COPS7B: variants seen among roughly 807,000 people sequenced by gnomAD.
The protein encoded by COPS7B is COP9 signalosome subunit 7B, also known as COP9 signalosome complex subunit 7b.
Under a neutral mutation model 33.4 loss-of-function variants are expected in COPS7B, and 9 were observed. That is an observed-to-expected ratio of 0.27 (90% CI 0.16 to 0.47). The LOEUF is 0.47. Among genes scored for constraint, COPS7B ranks in the 20% least tolerant of loss-of-function variants. COPS7B has a pLI of 0.99. For missense variants in COPS7B, 242 were observed against 318.2 expected, an observed-to-expected ratio of 0.76 and a Z score of 1.82; for synonymous variants, 119 against 126.3, an observed-to-expected ratio of 0.94 and a Z score of 0.39.
At chr2:231,787,134 C>A (rs1017254252) in intron 1 of COPS7B, among the ~76,000 whole-genome samples, 1 of 152,124 alleles carries the variant, frequency 6.6e-6, no homozygotes, top group South Asian at 2.1e-4. Context: ...TACTCCTTTC[C>A]TTCTTCCTCG....
rs1212602154 is a variant in COPS7B at position 231,808,636 on chromosome 2, T to A, written c.*991T>A. The stretch of plus-strand genomic sequence containing the variant: ...CAAGAGAAAAAGACTTAACTAGACT[T>A]CTGAACTTGAACAGTTTCAGGTTAT... On this transcript the variant is annotated 3_prime_UTR_variant, in exon 7 of 7. Coordinates refer to ENST00000350033, the MANE Select transcript of COPS7B (RefSeq NM_022730.4). The A allele has an allele frequency of 1.7e-5, 7 of 412,300 alleles. No homozygotes were observed. The highest frequency in any genetic ancestry group is 2.9e-5 in the Non-Finnish European group (6 of 204,306). The allele number at this position is 412,300 out of a possible 1,614,324, so 25.5% of individuals were successfully genotyped here. A position where few individuals can be genotyped will look rare whatever the true frequency, so the allele number is the denominator to read the frequency against.
rs765464304 is a variant in COPS7B at position 231,808,580 on chromosome 2, C to T, written c.*935C>T. The stretch of plus-strand genomic sequence containing the variant: ...TTTTCACCCCTCCTTGGCTGATGAC[C>T]CAGAGCCCTCTGATGATGGCATTCT... On this transcript the variant is annotated 3_prime_UTR_variant, in exon 7 of 7. Transcript: ENST00000350033. 8 of 469,158 alleles carry T rather than the reference C, an allele frequency of 1.7e-5. No individual in the cohort carries two copies. The highest frequency in any genetic ancestry group is 3.1e-5 in the Non-Finnish European group (7 of 226,308). The allele number at this position is 469,158 out of a possible 1,614,324, so 29.1% of individuals were successfully genotyped here.
At position 231,808,101 on chromosome 2, in the gene COPS7B, T is replaced by C. The variant is rs2049948315; in HGVS notation, c.*456T>C. On this transcript the variant is annotated 3_prime_UTR_variant, in exon 7 of 7. Transcript: ENST00000350033. The stretch of plus-strand genomic sequence containing the variant: ...CCTGGTACCACAGTCCTCACGATGG[T>C]GCAGTGATTTCTAGCCAGGCGTCAA... 2 of 243,550 alleles carry C rather than the reference T, an allele frequency of 8.2e-6. No individual in the cohort carries two copies. The highest frequency in any genetic ancestry group is 4.5e-5 in the South Asian group (1 of 22,218). 15.1% of individuals were successfully genotyped at this position (243,550 alleles called of 1,614,324 possible).
intron 3 of COPS7B, chr2:231,793,882 C>T (rs1397411263): frequency 6.0e-6 from 1 of 167,566 alleles, no homozygotes; most frequent in Non-Finnish European, 1.3e-5. Flanking sequence ...CATGCAGCAG[C>T]CCTGGCAAAG....
intron 6 of COPS7B, among the ~76,000 whole-genome samples, chr2:231,804,646 TTTG>T (rs2049842616): frequency 6.6e-6 from 1 of 152,234 alleles, no homozygotes; most frequent in Admixed American, 6.5e-5. Context: ...TTTTTTTGGT[TTTG>T]TTTTTTTAAT....
intron 6 of COPS7B, among the ~76,000 whole-genome samples, chr2:231,803,890 T>C (rs997539364): frequency 6.6e-6 from 1 of 152,140 alleles, no homozygotes; most frequent in Non-Finnish European, 1.5e-5. Context: ...GTTGAACTGG[T>C]CAGTTGCTGA....
intron 6 of COPS7B, among the ~76,000 whole-genome samples, chr2:231,807,154 G>T (rs192486634): frequency 2.5e-3 from 386 of 152,302 alleles, no homozygotes; most frequent in Non-Finnish European, 4.0e-3. Context: ...TTTTATAAAT[G>T]AATAACAGCA....
chr2:231,791,738 G>T lies in COPS7B; in HGVS notation c.168G>T (p.Ala56=). 2.5e-6 allele frequency: 4 copies of T among 1,614,016 alleles called. No individual in the cohort carries two copies. Among genetic ancestry groups the T allele is most frequent in the Non-Finnish European group, 3.4e-6 (4 of 1,179,982 alleles). The part of the protein sequence containing the change: ...LLELANVQEL[A]EGANAAYLQL... ...ACTTTTTTTTTCCTCTTCAGCTTGC[G>T]GAAGGAGCTAATGCTGCTTATTTGC... The change falls in exon 3 of 7, where the codon GCG becomes GCT. Residue 56 remains alanine, a synonymous_variant. Coordinates refer to ENST00000350033, the MANE Select transcript of COPS7B (RefSeq NM_022730.4).
chr2:231,792,013 T>C (rs985269705), intron 3 of COPS7B: 4 of 686,442 alleles, frequency 5.8e-6, no homozygotes, highest in East Asian at 2.9e-5. Context: ...ATGGGGCCTG[T>C]GTGTGCTCAT....
Position 231,807,690 on chromosome 2 carries a change from G to T in COPS7B, c.*45G>T. Reference sequence around the variant, plus strand: ...CACTCACCAGGCCTGGGTCAGGTGGGGAGGGGACACCAAGGGCCCATTTCC... The same window carrying T: ...CACTCACCAGGCCTGGGTCAGGTGGTGAGGGGACACCAAGGGCCCATTTCC... On this transcript the variant is annotated 3_prime_UTR_variant, in exon 7 of 7. Coordinates refer to ENST00000350033, the MANE Select transcript of COPS7B (RefSeq NM_022730.4). 6.6e-7 allele frequency: 1 copy of T among 1,509,614 alleles called. No individual in the cohort carries two copies. The highest frequency in any genetic ancestry group is 8.9e-7 in the Non-Finnish European group (1 of 1,127,084). 93.5% of individuals were successfully genotyped at this position (1,509,614 alleles called of 1,614,324 possible).
At chr2:231,793,418 G>C (rs1287474754) in intron 3 of COPS7B, 2 of 152,300 alleles carry the variant, frequency 1.3e-5, no homozygotes, top group Non-Finnish European at 2.9e-5. Flanking sequence ...AGGAATTGAG[G>C]ACACTTGGAG....
chr2:231,784,535 G>A (rs2049195406), upstream of COPS7B, among the ~76,000 whole-genome samples: 1 of 152,072 alleles, frequency 6.6e-6, no homozygotes, highest in South Asian at 2.1e-4. Context: ...ATGGAGTCTG[G>A]ACATTGTTCT....
rs570433703 is a variant in COPS7B at position 231,802,179 on chromosome 2, G to T, written c.636+3215G>T. ...AGTAGGCTGTGTTCCAGTCATGGAGGTCGTAAAGTGTAACTGGACAAAGTA... is the reference window on the plus strand; with the variant it reads ...AGTAGGCTGTGTTCCAGTCATGGAGTTCGTAAAGTGTAACTGGACAAAGTA... On this transcript the variant is annotated intron_variant, in intron 6 of 6. Transcript: ENST00000350033. 2.6e-5 allele frequency among the ~76,000 whole-genome samples: 4 copies of T among 152,316 alleles called. No individual in the cohort carries two copies. In the South Asian group the frequency reaches 6.2e-4, roughly 24 times the overall value.
chr2:231,796,926 CT>C (rs1260977448), intron 5 of COPS7B, among the ~76,000 whole-genome samples: 2 of 152,166 alleles, frequency 1.3e-5, no homozygotes, highest in Admixed American at 6.5e-5. Flanking sequence ...TGTGTTTTCT[CT>C]GTTTTAATGG....
chr2:231,792,017 T>C, intron 3 of COPS7B: 1 of 684,850 alleles, frequency 1.5e-6, no homozygotes, highest in Non-Finnish European at 2.7e-6. Flanking sequence ...GGCCTGTGTG[T>C]GCTCATCCAC....
chr2:231,783,794 A>G (rs2049179361), upstream of COPS7B, among the ~76,000 whole-genome samples: 1 of 152,130 alleles, frequency 6.6e-6, no homozygotes, highest in South Asian at 2.1e-4. Context: ...GGCTATTCAC[A>G]GGCACCAGCA....
At chr2:231,794,177 G>C in intron 3 of COPS7B, 86 bp from the exon 4 acceptor site, 1 of 1,008,506 alleles carries the variant, frequency 9.9e-7, no homozygotes, top group Non-Finnish European at 1.5e-6. Context: ...AGTAGATTTG[G>C]TTTGGGGAGT....
upstream of COPS7B, among the ~76,000 whole-genome samples, chr2:231,784,764 T>A (rs1048388115): frequency 6.6e-6 from 1 of 152,224 alleles, no homozygotes; most frequent in Non-Finnish European, 1.5e-5. Context: ...ATAGTCTAAA[T>A]GTCTCCAACA....
chr2:231,808,128 A>G lies in COPS7B; in HGVS notation c.*483A>G, dbSNP rs2049948950. On this transcript the variant is annotated 3_prime_UTR_variant, in exon 7 of 7. Transcript: ENST00000350033. ...CAGTGATTTCTAGCCAGGCGTCAAG[A>G]TGCGCTGCTTTCCCTCTCCTGCCTC... is the stretch of plus-strand genomic sequence containing the variant. The G allele has an allele frequency of 4.0e-6, 1 of 251,176 alleles. No homozygotes were observed. The highest frequency in any genetic ancestry group is 7.9e-6 in the Non-Finnish European group (1 of 127,274). The allele number at this position is 251,176 out of a possible 1,614,324, so 15.6% of individuals were successfully genotyped here. A position where few individuals can be genotyped will look rare whatever the true frequency, so the allele number is the denominator to read the frequency against.
Sources: gnomAD v4.1 joint callset for allele counts (sites outside exome capture counted in the v4.1 genomes callset) on GRCh38, gnomAD v4.1.1 for gene constraint, MANE v1.5 for transcripts, NCBI Gene and HGNC (gene_info 2026-07-23, HGNC 2026-07-21) for gene names.